The following SEMA3A variants were observed in gnomAD, a reference collection of about 807,000 sequenced individuals.
The protein encoded by SEMA3A is semaphorin-3A.
In SEMA3A, 29 loss-of-function variants were observed where a neutral mutation model predicts 97.9. The observed-to-expected ratio is 0.30, with a 90% CI of 0.22 to 0.40. The LOEUF is 0.40. Among genes scored for constraint, SEMA3A ranks in the 10% least tolerant of loss-of-function variants. The pLI, the probability that SEMA3A is intolerant of heterozygous loss-of-function variation, is 1.00. For synonymous variants in SEMA3A, 321 were observed against 323.7 expected (o/e 0.99, Z 0.09); for missense variants, 763 against 951.3 (o/e 0.80, Z 2.60).
chr7:84,193,421 A>G (rs1223716090), intron 1 of SEMA3A, among the ~76,000 whole-genome samples: 1 of 152,070 alleles, frequency 6.6e-6, no homozygotes, highest in Non-Finnish European at 1.5e-5. Flanking sequence ...ATAGGCTAAA[A>G]AATAAGCTTA....
chr7:84,051,295 T>G (rs1792635950), intron 5 of SEMA3A, among the ~76,000 whole-genome samples: 1 of 152,176 alleles, frequency 6.6e-6, no homozygotes. Context: ...ATAAATTACC[T>G]TGGGCAGTAT....
chr7:84,175,187 A>C (rs1797524311), intron 1 of SEMA3A, among the ~76,000 whole-genome samples: 1 of 152,010 alleles, frequency 6.6e-6, no homozygotes, highest in African/African-American at 2.4e-5. Context: ...TGGTTTCCTT[A>C]TCTGTAAAAT....
intron 4 of SEMA3A, among the ~76,000 whole-genome samples, chr7:84,063,889 C>T (rs965551599): frequency 2.7e-5 from 4 of 150,352 alleles, no homozygotes; most frequent in African/African-American, 7.4e-5. Flanking sequence ...GCAAGGCAAG[C>T]CAACATTGAG....
At chr7:84,277,818 G>A (rs1318273443) in intron 3 of SEMA3A, among the ~76,000 whole-genome samples, 2 of 152,032 alleles carry the variant, frequency 1.3e-5, no homozygotes, top group Non-Finnish European at 2.9e-5. Flanking sequence ...TGCTGCACAG[G>A]TCTCTGAAAT....
intron 1 of SEMA3A, among the ~76,000 whole-genome samples, chr7:84,453,298 C>T (rs1400504500): frequency 6.7e-6 from 1 of 149,882 alleles, no homozygotes; most frequent in Non-Finnish European, 1.5e-5. Context: ...TGCAGTGGCG[C>T]AATCTCGGCT....
intron 2 of SEMA3A, among the ~76,000 whole-genome samples, chr7:84,324,928 G>T (rs2115924471): frequency 6.6e-6 from 1 of 152,042 alleles, no homozygotes; most frequent in Non-Finnish European, 1.5e-5. Flanking sequence ...CTATAATTCG[G>T]TAGATGCAAT....
Position 84,112,957 on chromosome 7 carries a change from A to G in SEMA3A, c.334-2368T>C, listed in dbSNP as rs891171661. Reference sequence around the variant, plus strand: ...GTTACAAAGCAACTAGACTCACCCTATTGGCCTAAGGCCTGGAATGATTCC... The same window carrying G: ...GTTACAAAGCAACTAGACTCACCCTGTTGGCCTAAGGCCTGGAATGATTCC... On this transcript the variant is annotated intron_variant, in intron 3 of 16. Transcript: ENST00000265362. Among the ~76,000 whole-genome samples the G allele has an allele frequency of 3.3e-5, 5 of 152,286 alleles. No homozygotes were observed. The South Asian group carries it at 6.2e-4, about 19-fold the overall frequency.
chr7:84,029,178 T>C (rs1157540196), intron 6 of SEMA3A, among the ~76,000 whole-genome samples: 2 of 152,228 alleles, frequency 1.3e-5, no homozygotes, highest in Non-Finnish European at 2.9e-5. Context: ...CATCATGATT[T>C]GATAATTATT....
At chr7:84,434,905 T>G (rs752303902) in intron 1 of SEMA3A, among the ~76,000 whole-genome samples, 4 of 152,102 alleles carry the variant, frequency 2.6e-5, no homozygotes, top group Non-Finnish European at 2.9e-5. Context: ...GCCAACATCA[T>G]GAACAGGCAA....
At chr7:84,446,722 T>C (rs1471945108) in intron 1 of SEMA3A, among the ~76,000 whole-genome samples, 1 of 152,168 alleles carries the variant, frequency 6.6e-6, no homozygotes, top group African/African-American at 2.4e-5. Context: ...GACTGAAAGC[T>C]TTTCTCCTAA....
At chr7:84,411,524 T>C (rs1179337218) in intron 1 of SEMA3A, among the ~76,000 whole-genome samples, 2 of 151,510 alleles carry the variant, frequency 1.3e-5, no homozygotes, top group Non-Finnish European at 2.9e-5. Flanking sequence ...AGACTACTAA[T>C]ATAATTGCAT....
At chr7:83,992,550 T>G (rs1343687746) in intron 12 of SEMA3A, among the ~76,000 whole-genome samples, 1 of 152,042 alleles carries the variant, frequency 6.6e-6, no homozygotes, top group Non-Finnish European at 1.5e-5. Context: ...AAGAACATCT[T>G]TATGTCTGCC....
At chr7:84,264,416 G>C (rs1799938982) in intron 3 of SEMA3A, among the ~76,000 whole-genome samples, 1 of 152,124 alleles carries the variant, frequency 6.6e-6, no homozygotes, top group Admixed American at 6.5e-5. Flanking sequence ...GATGGCAGCA[G>C]AATAGCCAAG....
At chr7:84,270,647 T>C (rs1398717449) in intron 3 of SEMA3A, among the ~76,000 whole-genome samples, 1 of 148,156 alleles carries the variant, frequency 6.7e-6, no homozygotes, top group Non-Finnish European at 1.5e-5. Context: ...TATATATGCA[T>C]CTATATTCTA....
At chr7:84,364,509 C>A (rs1302984759) in intron 2 of SEMA3A, among the ~76,000 whole-genome samples, 1 of 151,510 alleles carries the variant, frequency 6.6e-6, no homozygotes, top group Non-Finnish European at 1.5e-5. Flanking sequence ...TGAATTTTTA[C>A]ATTTAATTAT....
chr7:84,165,549 T>C (rs1797179103), intron 1 of SEMA3A, among the ~76,000 whole-genome samples: 1 of 152,054 alleles, frequency 6.6e-6, no homozygotes, highest in Non-Finnish European at 1.5e-5. Context: ...GCTGGTTATA[T>C]ATACCAGTAC....
chr7:84,413,395 A>G (rs953239767), intron 1 of SEMA3A, among the ~76,000 whole-genome samples: 1 of 152,160 alleles, frequency 6.6e-6, no homozygotes, highest in Non-Finnish European at 1.5e-5. Flanking sequence ...TAGGAGGCTG[A>G]GTCAGGAGGA....
At chr7:84,413,811 T>G (rs1340358019) in intron 1 of SEMA3A, among the ~76,000 whole-genome samples, 1 of 152,148 alleles carries the variant, frequency 6.6e-6, no homozygotes, top group East Asian at 1.9e-4. Context: ...TAATGGGATG[T>G]GTAGGAAAAA....
At chr7:84,321,986 G>A (rs1046387725) in intron 2 of SEMA3A, among the ~76,000 whole-genome samples, 1 of 151,216 alleles carries the variant, frequency 6.6e-6, no homozygotes, top group African/African-American at 2.4e-5. Flanking sequence ...AGTTCCGCAT[G>A]GCTGGGGAGG....
Sources: gnomAD v4.1 joint callset for allele counts (sites outside exome capture counted in the v4.1 genomes callset) on GRCh38, gnomAD v4.1.1 for gene constraint, MANE v1.5 for transcripts, NCBI Gene and HGNC (gene_info 2026-07-23, HGNC 2026-07-21) for gene names.